The following CDC42BPB variants were observed in gnomAD, a reference collection of about 807,000 sequenced individuals.
CDC42BPB encodes CDC42 binding protein kinase beta.
Under a neutral mutation model 214.9 loss-of-function variants are expected in CDC42BPB, and 37 were observed. The observed-to-expected ratio is 0.17, with a 90% CI of 0.13 to 0.23. The LOEUF is 0.23. Ranked by LOEUF, CDC42BPB falls within the 10% of genes least tolerant of loss-of-function variation. CDC42BPB has a pLI of 1.00. For missense variants in CDC42BPB, 1,694 were observed against 2,227.0 expected (o/e 0.76, Z 4.82); for synonymous variants, 931 against 884.0 (o/e 1.05, Z -0.94).
chr14:103,015,751 G>GC (rs1428115850), intron 1 of CDC42BPB, among the ~76,000 whole-genome samples: 3 of 152,086 alleles, frequency 2.0e-5, no homozygotes, highest in African/African-American at 7.2e-5. Context: ...TAGCTTTGTT[G>GC]CCAGGCTGGA....
chr14:103,034,679 G>A (rs1219196000), intron 1 of CDC42BPB, among the ~76,000 whole-genome samples: 1 of 152,082 alleles, frequency 6.6e-6, no homozygotes. Flanking sequence ...TTAGCCAGGT[G>A]TGATGATACA....
chr14:103,034,297 C>T (rs997606797), intron 1 of CDC42BPB, among the ~76,000 whole-genome samples: 6 of 152,188 alleles, frequency 3.9e-5, no homozygotes, highest in African/African-American at 1.4e-4. Context: ...GAGAGGATCA[C>T]TTGAGGCCAG....
Position 102,968,642 on chromosome 14 carries a change from C to T in CDC42BPB, c.2070G>A (p.Leu690=). The T allele has an allele frequency of 6.2e-7, 1 of 1,614,234 alleles. No homozygotes were observed. Among genetic ancestry groups the T allele is most frequent in the Non-Finnish European group, 8.5e-7 (1 of 1,180,054 alleles). Residue 690 remains leucine, a synonymous_variant, in exon 15 of 37, where the codon CTG becomes CTA. Coordinates refer to ENST00000361246, the MANE Select transcript of CDC42BPB (RefSeq NM_006035.4). ...CTTCATAAAATAAGACTTTCTTCTC[C>T]AGCTCGGATTTGATTTTGGAAATCT... ...QQEISKIKSE[L]EKKVLFYEEE...
Position 102,949,296 on chromosome 14 carries a change from G to C in CDC42BPB, c.3449+469C>G, listed in dbSNP as rs10149102. 9.4e-3 allele frequency among the ~76,000 whole-genome samples: 1,435 copies of C among 152,258 alleles called. 16 individuals are homozygous for C. Among genetic ancestry groups the C allele is most frequent in the African/African-American group, 0.033 (1,381 of 41,538 alleles). On this transcript the variant is annotated intron_variant, in intron 26 of 36. Coordinates refer to ENST00000361246, the MANE Select transcript of CDC42BPB (RefSeq NM_006035.4). Reference sequence around the variant, plus strand: ...CGCCTGCTCCTGCAGCTGACACTGGGTGGCACTGAGACAGGGTCACATAGC... The same window carrying C: ...CGCCTGCTCCTGCAGCTGACACTGGCTGGCACTGAGACAGGGTCACATAGC...
intron 20 of CDC42BPB, among the ~76,000 whole-genome samples, chr14:102,962,482 G>A (rs189851701): frequency 1.3e-5 from 2 of 152,340 alleles, no homozygotes; most frequent in East Asian, 3.9e-4. Context: ...AGCACAAAAT[G>A]ATGCCTTTTG....
At chr14:103,018,102 A>G (rs528691670) in intron 1 of CDC42BPB, among the ~76,000 whole-genome samples, 2 of 152,190 alleles carry the variant, frequency 1.3e-5, no homozygotes, top group Non-Finnish European at 2.9e-5. Flanking sequence ...AGCATGCAAC[A>G]TAGATCCCTC....
At chr14:103,013,672 G>A (rs537069620) in intron 1 of CDC42BPB, among the ~76,000 whole-genome samples, 278 of 152,352 alleles carry the variant, frequency 1.8e-3, no homozygotes, top group Non-Finnish European at 3.0e-3. Flanking sequence ...GGGGATGGAG[G>A]CAGAGGCGAG....
Position 102,941,727 on chromosome 14 carries a change from G to T in CDC42BPB, c.4409-1403C>A, listed in dbSNP as rs34247805. The stretch of plus-strand genomic sequence containing the variant: ...AGAACATGGGCTCTGGAGCCTGACA[G>T]ATGTGACATGTGACTGATACAGAGC... On this transcript the variant is annotated intron_variant, in intron 30 of 36. Coordinates refer to ENST00000361246, the MANE Select transcript of CDC42BPB (RefSeq NM_006035.4). Among the ~76,000 whole-genome samples the T allele has an allele frequency of 5.1e-4, 77 of 152,374 alleles. 1 individual carries two copies. The East Asian group carries it at 0.011, about 22-fold the overall frequency.
intron 8 of CDC42BPB, 52 bp from the exon 9 acceptor site, chr14:102,978,257 T>TA: frequency 6.2e-7 from 1 of 1,603,482 alleles, no homozygotes; most frequent in Non-Finnish European, 8.5e-7. Context: ...AACAAACAGG[T>TA]AAAAAGAGGA....
Position 103,001,981 on chromosome 14 carries a change from G to C in CDC42BPB, c.447+1947C>G, listed in dbSNP as rs143021874. Among the ~76,000 whole-genome samples, 1 of 152,238 alleles carries C rather than the reference G, an allele frequency of 6.6e-6. No individual in the cohort carries two copies. The highest frequency in any genetic ancestry group is 1.5e-5 in the Non-Finnish European group (1 of 68,050). On this transcript the variant is annotated intron_variant, in intron 4 of 36. Transcript: ENST00000361246. The surrounding 1 kb of genome is among the most constrained non-coding windows in gnomAD (Gnocchi z 5.8). The stretch of plus-strand genomic sequence containing the variant: ...CCAGAATGAGAATCAGACCTAGTCT[G>C]TCCTGTCACAGAACGCGGGGTGCTG...
At chr14:103,042,783 C>T (rs1038349428) in intron 1 of CDC42BPB, among the ~76,000 whole-genome samples, 2 of 152,164 alleles carry the variant, frequency 1.3e-5, no homozygotes, top group Non-Finnish European at 2.9e-5. Context: ...CAGAAAACAA[C>T]AAGTGCTGGC....
intron 2 of CDC42BPB, chr14:103,008,782 A>G (rs1885988463): frequency 1.6e-5 from 10 of 626,660 alleles, no homozygotes; most frequent in Non-Finnish European, 2.0e-5. Context: ...CTGCAAATTC[A>G]CCCCTTTATG....
intron 8 of CDC42BPB, 177 bp from the exon 9 acceptor site, chr14:102,978,382 C>G: frequency 2.0e-6 from 2 of 979,030 alleles, no homozygotes; most frequent in Non-Finnish European, 2.4e-6. Context: ...CTGTCTTTCT[C>G]AAGCCTGGCC....
At chr14:103,016,785 G>C (rs1032241577) in intron 1 of CDC42BPB, among the ~76,000 whole-genome samples, 2 of 151,526 alleles carry the variant, frequency 1.3e-5, no homozygotes, top group African/African-American at 2.4e-5. Flanking sequence ...AGCCATATAT[G>C]GGTGTGAACA....
In CDC42BPB at chr14:102,972,041, G is replaced by A. The variant is rs372968163; in HGVS notation, c.1762C>T (p.Arg588Cys). 19 of 1,614,104 alleles carry A rather than the reference G, an allele frequency of 1.2e-5. No individual in the cohort carries two copies. The highest frequency in any genetic ancestry group is 1.7e-5 in the Admixed American group (1 of 60,008). ...SELNERMAEL[R>C]AQKQKVSRQL... ...CGGGACACCTTCTGCTTCTGGGCAC[G>A]GAGCTCTGCCATGCGCTCGTTCAGC... Residue 588 changes from arginine (R) to cysteine (C), a missense_variant, in exon 13 of 37, where the codon CGT (arginine) becomes TGT (cysteine). Transcript: ENST00000361246.
chr14:103,008,356 G>T (rs1885966176), intron 3 of CDC42BPB, 116 bp downstream of exon 3: 1 of 721,124 alleles, frequency 1.4e-6, no homozygotes, highest in South Asian at 1.6e-5. Flanking sequence ...GCTCTGTCCG[G>T]GGGGCAGGGA....
At chr14:103,008,142 T>C (rs897437935) in intron 3 of CDC42BPB, among the ~76,000 whole-genome samples, 1 of 152,214 alleles carries the variant, frequency 6.6e-6, no homozygotes, top group African/African-American at 2.4e-5. Context: ...TCCAAACGTG[T>C]TAATTCCTTT....
intron 1 of CDC42BPB, among the ~76,000 whole-genome samples, chr14:103,020,094 C>A (rs983107760): frequency 6.6e-6 from 1 of 152,228 alleles, no homozygotes; most frequent in Non-Finnish European, 1.5e-5. Context: ...TTCCCCTGTC[C>A]GGCAGAAGCT....
chr14:102,971,873 C>T (rs1048343273), intron 13 of CDC42BPB, 46 bp downstream of exon 13: 1 of 1,569,754 alleles, frequency 6.4e-7, no homozygotes, highest in Non-Finnish European at 8.7e-7. Flanking sequence ...ATAAAAGTCA[C>T]ACAAATGTCC....
Sources: gnomAD v4.1 joint callset for allele counts (sites outside exome capture counted in the v4.1 genomes callset) on GRCh38, gnomAD v4.1.1 for gene constraint, Gnocchi (gnomAD v3.1) non-coding constraint, MANE v1.5 for transcripts, NCBI Gene and HGNC (gene_info 2026-07-23, HGNC 2026-07-21) for gene names.